Variants in CD109 observed in about 807,000 individuals in gnomAD.
The protein encoded by CD109 is CD109 molecule, also known as CD109 antigen.
Under a neutral mutation model 165.8 loss-of-function variants are expected in CD109, and 149 were observed. The ratio of observed to expected loss-of-function variants is 0.90; its 90% CI spans 0.79 to 1.03. The LOEUF (loss-of-function observed/expected upper bound fraction) is 1.03, where lower values mean the gene tolerates loss of function less well. Among genes scored for constraint, CD109 ranks in the 50% least tolerant of loss-of-function variants. The pLI is 0.00. For synonymous variants in CD109, 585 were observed against 592.1 expected (o/e 0.99, Z 0.18); for missense variants, 1,712 against 1,677.8 (o/e 1.02, Z -0.36).
chr6:73,716,403 A>G (rs542098462), intron 2 of CD109, among the ~76,000 whole-genome samples: 21 of 152,188 alleles, frequency 1.4e-4, no homozygotes, highest in Admixed American at 2.6e-4. Flanking sequence ...TCAACAGTGT[A>G]TGAGGGTTCC....
rs542036029 is a variant in CD109, at chr6:73,696,232, T to C, written c.17T>C (p.Leu6Pro). 8 of 1,544,830 alleles carry C rather than the reference T, an allele frequency of 5.2e-6. No individual in the cohort carries two copies. Among genetic ancestry groups the C allele is most frequent in the Admixed American group, 3.9e-5 (2 of 51,644 alleles). The change falls in exon 1 of 33, where the codon CTC (leucine) becomes CCC (proline). Residue 6 changes from leucine (L) to proline (P), a missense_variant. By Grantham distance (98) the Leu-to-Pro change is moderately conservative. Transcript: ENST00000287097. MQGPPLLTAAHLLCVC... is the reference protein window; with the variant it reads MQGPPPLTAAHLLCVC... ...GCCGTCGAGATGCAGGGCCCACCGC[T>C]CCTGACCGCCGCCCACCTCCTCTGC... is the stretch of plus-strand genomic sequence containing the variant.
intron 5 of CD109, among the ~76,000 whole-genome samples, chr6:73,748,528 A>T (rs967437350): frequency 6.6e-6 from 1 of 152,132 alleles, no homozygotes; most frequent in Admixed American, 6.5e-5. Context: ...CCTTCTTTCC[A>T]CTAGATCAGA....
chr6:73,787,305 C>G lies in CD109; in HGVS notation c.2409C>G (p.Gly803=), dbSNP rs1323554911. ...CTTCAAATGAAATAAATGCCACAGG[C>G]CACCAGCAGACCCTTCTGGTTCCCA... ...LMTSNEINAT[G]HQQTLLVPSE... Residue 803 remains glycine (G), a synonymous_variant, in exon 21 of 33, where the codon GGC becomes GGG. Coordinates refer to ENST00000287097, the MANE Select transcript of CD109 (RefSeq NM_133493.5). The G allele has an allele frequency of 1.2e-6, 2 of 1,613,840 alleles. No individual in the cohort carries two copies. Among genetic ancestry groups the G allele is most frequent in the Non-Finnish European group, 1.7e-6 (2 of 1,179,754 alleles).
At chr6:73,796,676 G>C (rs1775176480) in intron 23 of CD109, among the ~76,000 whole-genome samples, 2 of 152,016 alleles carry the variant, frequency 1.3e-5, no homozygotes, top group Admixed American at 1.3e-4. Flanking sequence ...TAACTTTTTT[G>C]GACTTTAGGT....
At chr6:73,684,163 T>C in the CD109 span, among the ~76,000 whole-genome samples, 1 of 152,172 alleles carries the variant, frequency 6.6e-6, no homozygotes, top group Non-Finnish European at 1.5e-5. Flanking sequence ...ACAGTAGTTC[T>C]ATTTTTAATT....
At chr6:73,682,140 T>C in the CD109 span, among the ~76,000 whole-genome samples, 1 of 151,998 alleles carries the variant, frequency 6.6e-6, no homozygotes, top group African/African-American at 2.4e-5. Flanking sequence ...TCCCCTAAAG[T>C]CTTAACTCAC....
At chr6:73,724,018 C>T (rs1426276772) in intron 3 of CD109, among the ~76,000 whole-genome samples, 1 of 152,166 alleles carries the variant, frequency 6.6e-6, no homozygotes. Flanking sequence ...CATGCTGAGA[C>T]ATACTAGAAC....
chr6:73,792,013 C>A (rs1774989247), intron 22 of CD109, among the ~76,000 whole-genome samples: 1 of 152,124 alleles, frequency 6.6e-6, no homozygotes, highest in South Asian at 2.1e-4. Context: ...TTGCTACTTT[C>A]CCTGAGTTGT....
At chr6:73,699,142 AT>A (rs1770963856) in intron 2 of CD109, among the ~76,000 whole-genome samples, 1 of 152,236 alleles carries the variant, frequency 6.6e-6, no homozygotes, top group African/African-American at 2.4e-5. Context: ...TAAAGAAAAT[AT>A]TGAAATATTA....
chr6:73,682,348 C>T, the CD109 span, among the ~76,000 whole-genome samples: 3 of 152,118 alleles, frequency 2.0e-5, no homozygotes, highest in African/African-American at 7.2e-5. Context: ...CATGCAAGTC[C>T]AAAATCTAGT....
intron 3 of CD109, among the ~76,000 whole-genome samples, chr6:73,724,598 C>T (rs938508207): frequency 1.3e-5 from 2 of 150,670 alleles, no homozygotes; most frequent in African/African-American, 4.9e-5. Context: ...AAGCCAGGTT[C>T]GCTCATTACC....
In CD109 at chr6:73,723,388, G is replaced by A. The variant is rs548327264; in HGVS notation, c.276+109G>A. 3.3e-6 allele frequency: 3 copies of A among 895,926 alleles called. No homozygotes were observed. The African/African-American group carries it at 5.1e-5, about 15-fold the overall frequency. The allele number at this position is 895,926 out of a possible 1,614,324, so 55.5% of individuals were successfully genotyped here. A position where few individuals can be genotyped will look rare whatever the true frequency, so the allele number is the denominator to read the frequency against. ...TCAATTCACACATTTCACGTTTCATGTAAGTTTGGCTTGAGTTTAGTTCAG... is the reference window on the plus strand; with the variant it reads ...TCAATTCACACATTTCACGTTTCATATAAGTTTGGCTTGAGTTTAGTTCAG... On this transcript the variant is annotated intron_variant, in intron 3 of 32. Coordinates refer to ENST00000287097, the MANE Select transcript of CD109 (RefSeq NM_133493.5).
chr6:73,820,317 G>T (rs781281656), intron 31 of CD109, 144 bp from the exon 32 acceptor site: 1 of 546,432 alleles, frequency 1.8e-6, no homozygotes. Flanking sequence ...TTCATAGGAA[G>T]TACTTACTGC....
At chr6:73,731,281 C>T (rs548329203) in intron 4 of CD109, among the ~76,000 whole-genome samples, 8 of 152,336 alleles carry the variant, frequency 5.3e-5, no homozygotes, top group African/African-American at 1.4e-4. Context: ...CCACCCACCT[C>T]AGCCTCCCAA....
chr6:73,736,428 G>T lies in CD109; in HGVS notation c.553G>T (p.Asp185Tyr). ...CCAACAGTGGTTGTCACAACAAAGT[G>T]ATCTTGGAGTCATTTCCAAAACTTT... ...LIQQWLSQQS[D>Y]LGVISKTFQL... is the part of the protein sequence containing the mutation. The change falls in exon 5 of 33, where the codon GAT (aspartate) becomes TAT (tyrosine). Residue 185 changes from aspartate (D) to tyrosine (Y), a missense_variant. Asp to Tyr is a radical substitution (Grantham distance 160). Coordinates refer to ENST00000287097, the MANE Select transcript of CD109 (RefSeq NM_133493.5). The T allele has an allele frequency of 6.2e-7, 1 of 1,613,870 alleles. No homozygotes were observed. The highest frequency in any genetic ancestry group is 8.5e-7 in the Non-Finnish European group (1 of 1,179,852).
At chr6:73,768,801 C>T (rs189652494) in intron 14 of CD109, among the ~76,000 whole-genome samples, 66 of 152,252 alleles carry the variant, frequency 4.3e-4, no homozygotes, top group African/African-American at 1.6e-3. Context: ...CTTTGGACCC[C>T]AGCTCTGAAA....
chr6:73,770,534 C>T (rs1410625183), intron 14 of CD109, among the ~76,000 whole-genome samples: 1 of 152,136 alleles, frequency 6.6e-6, no homozygotes. Flanking sequence ...CACCTGTGGT[C>T]AGGAGTTGGA....
At chr6:73,821,076 C>T (rs1205384944) in intron 32 of CD109, among the ~76,000 whole-genome samples, 1 of 152,050 alleles carries the variant, frequency 6.6e-6, no homozygotes, top group East Asian at 1.9e-4. Flanking sequence ...CCAAATGCTG[C>T]ATGTTCGCAC....
At chr6:73,703,849 T>TAAAAAGGCTGAGG (rs1456993114) in intron 2 of CD109, among the ~76,000 whole-genome samples, 6 of 152,112 alleles carry the variant, frequency 3.9e-5, no homozygotes, top group African/African-American at 1.4e-4. Context: ...TTGTATTTAT[T>TAAAAAGGCTGAGG]AAAAAGGCTG....
Sources: allele counts gnomAD v4.1 joint callset (sites outside exome capture counted in the v4.1 genomes callset), GRCh38; gene constraint gnomAD v4.1.1; transcripts MANE v1.5; gene names NCBI Gene and HGNC (gene_info 2026-07-23, HGNC 2026-07-21).